FAM124A: variants seen among roughly 807,000 people sequenced by gnomAD.
FAM124A encodes family with sequence similarity 124 member A.
FAM124A carries 23 observed loss-of-function variants against 24.5 expected under a neutral mutation model. The observed-to-expected ratio is 0.94, with a 90% CI of 0.68 to 1.33. The LOEUF is 1.33. FAM124A is among the 40% of genes most tolerant of loss of function. The pLI is 0.00. For synonymous variants in FAM124A, 287 were observed against 314.7 expected, an observed-to-expected ratio of 0.91 and a Z score of 0.93; for missense variants, 623 against 722.8, an observed-to-expected ratio of 0.86 and a Z score of 1.58.
chr13:51,277,331 G>A (rs1340949905), intron 3 of FAM124A, among the ~76,000 whole-genome samples: 1 of 151,918 alleles, frequency 6.6e-6, no homozygotes, highest in Non-Finnish European at 1.5e-5. Flanking sequence ...TCCACAGGGT[G>A]GGAGGGTGGG....
rs1402539616 is a variant in FAM124A at position 51,281,812 on chromosome 13, GTA to G, written c.*560_*561del. On this transcript the variant is annotated 3_prime_UTR_variant, in exon 4 of 4. Coordinates refer to ENST00000322475, the MANE Select transcript of FAM124A (RefSeq NM_001242312.2). Reference sequence around the variant, plus strand: ...GAAAAAGTCAGCTTGAGAAGTAAACGTATATCAGACTACAGGTAATTCCTCAT... The same window carrying G: ...GAAAAAGTCAGCTTGAGAAGTAAACGTATCAGACTACAGGTAATTCCTCAT... 3.3e-5 allele frequency: 5 copies of G among 152,346 alleles called. No homozygotes were observed. In the East Asian group the frequency reaches 9.6e-4, roughly 29 times the overall value. 9.4% of individuals were successfully genotyped at this position (152,346 alleles called of 1,614,324 possible).
chr13:51,259,037 G>A (rs541896381), intron 3 of FAM124A, among the ~76,000 whole-genome samples: 9 of 152,176 alleles, frequency 5.9e-5, no homozygotes, highest in Non-Finnish European at 1.0e-4. Flanking sequence ...GGCCATAGAT[G>A]TCTGGTGAGA....
At chr13:51,276,724 G>C (rs1275762766) in intron 3 of FAM124A, among the ~76,000 whole-genome samples, 1 of 152,210 alleles carries the variant, frequency 6.6e-6, no homozygotes, top group Non-Finnish European at 1.5e-5. Context: ...GCAAGACTCT[G>C]ATTTCTCAAT....
chr13:51,234,672 G>A (rs1261801783), intron 2 of FAM124A, among the ~76,000 whole-genome samples: 2 of 152,188 alleles, frequency 1.3e-5, no homozygotes, highest in African/African-American at 4.8e-5. Context: ...GGAAGGAGGA[G>A]GAAGGAAAGA....
chr13:51,264,988 C>T (rs551442426), intron 3 of FAM124A, among the ~76,000 whole-genome samples: 1 of 152,228 alleles, frequency 6.6e-6, no homozygotes, highest in Non-Finnish European at 1.5e-5. Flanking sequence ...CAAATGCTAG[C>T]TCTACAACCC....
chr13:51,253,903 T>C (rs1023021095), intron 3 of FAM124A, among the ~76,000 whole-genome samples: 2 of 152,204 alleles, frequency 1.3e-5, no homozygotes, highest in African/African-American at 4.8e-5. Context: ...TAGTAATATG[T>C]TGAGGAATTA....
At chr13:51,261,132 C>G (rs1954732048) in intron 3 of FAM124A, among the ~76,000 whole-genome samples, 1 of 152,214 alleles carries the variant, frequency 6.6e-6, no homozygotes, top group Non-Finnish European at 1.5e-5. Context: ...ACAGCAGCTA[C>G]TCGGTAAGCA....
chr13:51,256,054 C>A (rs1954671620), intron 3 of FAM124A, among the ~76,000 whole-genome samples: 1 of 152,212 alleles, frequency 6.6e-6, no homozygotes. Context: ...GAGCCCCAAG[C>A]AGCCTGGTAG....
chr13:51,247,460 A>C (rs919114901), intron 2 of FAM124A, among the ~76,000 whole-genome samples: 40 of 152,192 alleles, frequency 2.6e-4, no homozygotes, highest in African/African-American at 9.7e-4. Context: ...GAGTTCATAC[A>C]TGTAGAACAT....
rs376813732 is a variant in FAM124A at position 51,280,458 on chromosome 13, G to C, written c.843G>C (p.Arg281Ser). ...TGCCTCTCCCCCCACAGGCACAAAG[G>C]GTGCATAAGAAGTTTCCTAAACCTG... ...DGNKILLQAQRVHKKFPKPGR... is the reference protein window; with the variant it reads ...DGNKILLQAQSVHKKFPKPGR... Residue 281 changes from arginine (R) to serine (S), a missense_variant, in exon 4 of 4, where the codon AGG becomes AGC. Coordinates refer to ENST00000322475, the MANE Select transcript of FAM124A (RefSeq NM_001242312.2). The C allele has an allele frequency of 3.1e-6, 5 of 1,598,702 alleles. No homozygotes were observed. The African/African-American group carries it at 6.7e-5, about 21-fold the overall frequency.
rs1233975026 is a variant in FAM124A, at chr13:51,251,136, A to T, written c.101-332A>T. 6.6e-6 allele frequency among the ~76,000 whole-genome samples: 1 copy of T among 152,224 alleles called. No homozygotes were observed. The highest frequency in any genetic ancestry group is 1.5e-5 in the Non-Finnish European group (1 of 68,042). On this transcript the variant is annotated intron_variant, in intron 2 of 3. Coordinates refer to ENST00000322475, the MANE Select transcript of FAM124A (RefSeq NM_001242312.2). The surrounding 1 kb of genome is among the most constrained non-coding windows in gnomAD (Gnocchi z 5.3). ...GGCCTGTTGTTCCTTCCAAGTCACT[A>T]GACTTGACTTTCTATTTGTCTGATA...
chr13:51,248,659 T>C (rs1954589199), intron 2 of FAM124A, among the ~76,000 whole-genome samples: 1 of 152,142 alleles, frequency 6.6e-6, no homozygotes, highest in African/African-American at 2.4e-5. Context: ...AGTATGTTCT[T>C]ATGGAAATGT....
intron 2 of FAM124A, among the ~76,000 whole-genome samples, chr13:51,232,545 T>G (rs1333594145): frequency 6.6e-6 from 1 of 152,230 alleles, no homozygotes; most frequent in Non-Finnish European, 1.5e-5. Context: ...AGTGTCAAAT[T>G]ATATTTCATT....
intron 3 of FAM124A, among the ~76,000 whole-genome samples, chr13:51,270,472 C>G (rs546854423): frequency 1.3e-5 from 2 of 152,096 alleles, no homozygotes; most frequent in Admixed American, 6.6e-5. Flanking sequence ...CTCAAGAAAG[C>G]CCACGCAGAA....
At position 51,222,480 on chromosome 13, in the gene FAM124A, G is replaced by A; in HGVS notation, c.-22G>A. 1 of 1,213,314 alleles carries A rather than the reference G, an allele frequency of 8.2e-7. No homozygotes were observed. Among genetic ancestry groups the A allele is most frequent in the Non-Finnish European group, 1.0e-6 (1 of 977,108 alleles). 75.2% of individuals were successfully genotyped at this position (1,213,314 alleles called of 1,614,324 possible). ...CGGGTCACGACGGCGCCCGCAAGCC[G>A]AGCGCGGCCGGGACGTGCACCATGG... On this transcript the variant is annotated 5_prime_UTR_variant, in exon 1 of 4. Coordinates refer to ENST00000322475, the MANE Select transcript of FAM124A (RefSeq NM_001242312.2).
chr13:51,280,434 G>C lies in FAM124A; in HGVS notation c.835-16G>C. 6.4e-7 allele frequency: 1 copy of C among 1,569,962 alleles called. No individual in the cohort carries two copies. Among genetic ancestry groups the C allele is most frequent in the Non-Finnish European group, 8.7e-7 (1 of 1,155,600 alleles). Reference sequence around the variant, plus strand: ...TTCCCATCCTGCACTAATGTGATCTGCCTCTCCCCCCACAGGCACAAAGGG... The same window carrying C: ...TTCCCATCCTGCACTAATGTGATCTCCCTCTCCCCCCACAGGCACAAAGGG... On this transcript the variant is annotated splice_polypyrimidine_tract_variant and intron_variant, in intron 3 of 3. Transcript: ENST00000322475.
chr13:51,247,369 T>C (rs1323326033), intron 2 of FAM124A, among the ~76,000 whole-genome samples: 2 of 152,236 alleles, frequency 1.3e-5, no homozygotes, highest in African/African-American at 2.4e-5. Flanking sequence ...CTACTTCACC[T>C]CCTGTGCCTC....
intron 3 of FAM124A, among the ~76,000 whole-genome samples, chr13:51,280,064 G>T (rs1317630946): frequency 6.6e-6 from 1 of 152,198 alleles, no homozygotes; most frequent in East Asian, 1.9e-4. Context: ...TGATTCTTTG[G>T]TTGGAAGGAA....
intron 2 of FAM124A, among the ~76,000 whole-genome samples, chr13:51,247,502 C>T (rs376758672): frequency 6.6e-6 from 1 of 152,196 alleles, no homozygotes; most frequent in South Asian, 2.1e-4. Context: ...TAACATGTCA[C>T]CCTGTGTACC....
Sources: gnomAD v4.1 joint callset for allele counts (sites outside exome capture counted in the v4.1 genomes callset) on GRCh38, gnomAD v4.1.1 for gene constraint, Gnocchi (gnomAD v3.1) non-coding constraint, MANE v1.5 for transcripts, NCBI Gene and HGNC (gene_info 2026-07-23, HGNC 2026-07-21) for gene names.